The following PBX1 variants were observed in gnomAD, a reference collection of about 807,000 sequenced individuals.
PBX1 encodes the protein PBX homeobox 1.
In PBX1, 6 loss-of-function variants were observed where a neutral mutation model predicts 53.4. The observed-to-expected ratio is 0.11, with a 90% confidence interval of 0.06 to 0.22. The LOEUF is 0.22. Among genes scored for constraint, PBX1 ranks in the 10% least tolerant of loss-of-function variants. The pLI, the probability that PBX1 is intolerant of heterozygous loss-of-function variation, is 1.00. For missense variants in PBX1, 251 were observed against 551.4 expected (o/e 0.46, Z 5.46); for synonymous variants, 204 against 212.3 (o/e 0.96, Z 0.34).
chr1:164,795,281 T>TA (rs1489166252), intron 3 of PBX1, among the ~76,000 whole-genome samples: 1 of 152,190 alleles, frequency 6.6e-6, no homozygotes, highest in Non-Finnish European at 1.5e-5. Flanking sequence ...ATTAGAATAA[T>TA]ACCTGACTCC....
intron 2 of PBX1, among the ~76,000 whole-genome samples, chr1:164,610,795 T>C (rs1280487321): frequency 2.0e-5 from 3 of 152,218 alleles, no homozygotes; most frequent in Non-Finnish European, 4.4e-5. Context: ...CCATGGATGG[T>C]ACATTTGCAT....
chr1:164,714,553 G>T (rs6673635), intron 2 of PBX1, among the ~76,000 whole-genome samples: 1 of 152,182 alleles, frequency 6.6e-6, no homozygotes, highest in Non-Finnish European at 1.5e-5. Context: ...CACTGAAGAA[G>T]ATATTTAGGC....
Position 164,820,200 on chromosome 1 carries a change from A to G in PBX1, c.1110+16A>G, listed in dbSNP as rs547737474. 9.6e-6 allele frequency: 14 copies of G among 1,462,592 alleles called. No individual in the cohort carries two copies. The Admixed American group carries it at 2.3e-4, about 24-fold the overall frequency. The allele number at this position is 1,462,592 out of a possible 1,614,324, so 90.6% of individuals were successfully genotyped here. A position where few individuals can be genotyped will look rare whatever the true frequency, so the allele number is the denominator to read the frequency against. On this transcript the variant is annotated intron_variant, in intron 7 of 8. Transcript: ENST00000420696. ...GCAATCACAGGTAGGGACCCAGCCAATATGTCACCAGGTGAATGCCTTAGA... is the reference window on the plus strand; with the variant it reads ...GCAATCACAGGTAGGGACCCAGCCAGTATGTCACCAGGTGAATGCCTTAGA...
intron 2 of PBX1, among the ~76,000 whole-genome samples, chr1:164,673,544 C>T (rs1419523494): frequency 7.0e-6 from 1 of 143,696 alleles, no homozygotes; most frequent in Middle Eastern, 3.6e-3. Context: ...GATCTCTGCT[C>T]ACTGCAACCT....
intron 2 of PBX1, among the ~76,000 whole-genome samples, chr1:164,697,525 T>C (rs1410552423): frequency 2.6e-5 from 4 of 152,226 alleles, no homozygotes; most frequent in Non-Finnish European, 5.9e-5. Context: ...TTATAAACTT[T>C]TAAAAACAAA....
intron 2 of PBX1, among the ~76,000 whole-genome samples, chr1:164,723,460 T>C (rs557253959): frequency 1.3e-5 from 2 of 152,288 alleles, no homozygotes; most frequent in South Asian, 4.1e-4. Context: ...GAATTAATGT[T>C]GGACGAGCAG....
intron 2 of PBX1, among the ~76,000 whole-genome samples, chr1:164,647,030 G>A (rs1268308585): frequency 1.3e-5 from 2 of 152,306 alleles, no homozygotes; most frequent in East Asian, 3.9e-4. Context: ...CTACAGGCTC[G>A]GGGGTCCCAC....
intron 2 of PBX1, among the ~76,000 whole-genome samples, chr1:164,571,875 A>ATG (rs1195529363): frequency 7.0e-5 from 2 of 28,564 alleles, no homozygotes; most frequent in African/African-American, 3.7e-4. Context: ...TGTACATTGT[A>ATG]TATATATATA....
intron 3 of PBX1, among the ~76,000 whole-genome samples, chr1:164,798,460 T>C (rs553710575): frequency 6.6e-6 from 1 of 152,308 alleles, no homozygotes; most frequent in South Asian, 2.1e-4. Flanking sequence ...GGAAACCAGA[T>C]TATGGATGCT....
chr1:164,759,179 A>G (rs1040158621), intron 2 of PBX1, among the ~76,000 whole-genome samples: 1 of 152,230 alleles, frequency 6.6e-6, no homozygotes, highest in African/African-American at 2.4e-5. Context: ...CCTTTAAAGG[A>G]TAGTGTCGGT....
chr1:164,757,095 T>G (rs1195244615), intron 2 of PBX1, among the ~76,000 whole-genome samples: 1 of 150,854 alleles, frequency 6.6e-6, no homozygotes, highest in African/African-American at 2.4e-5. Context: ...GGCCTCCCAT[T>G]TTTTTTTTGC....
At chr1:164,704,201 G>A (rs183051580) in intron 2 of PBX1, among the ~76,000 whole-genome samples, 158 of 152,294 alleles carry the variant, frequency 1.0e-3, no homozygotes, top group African/African-American at 3.4e-3. Context: ...AGACCAAGGG[G>A]TCTTGTGGGA....
intron 2 of PBX1, among the ~76,000 whole-genome samples, chr1:164,629,322 G>A (rs1658258067): frequency 1.3e-5 from 2 of 152,192 alleles, no homozygotes; most frequent in African/African-American, 4.8e-5. Context: ...AAGATGGAAA[G>A]AGTGAGGGCA....
intron 2 of PBX1, among the ~76,000 whole-genome samples, chr1:164,743,197 A>G (rs532065393): frequency 1.3e-5 from 2 of 152,324 alleles, no homozygotes; most frequent in Admixed American, 6.5e-5. Flanking sequence ...GGCCATGATA[A>G]TAGTAATATG....
rs1553244687 is a variant in PBX1 at position 164,776,978 on chromosome 1, A to AGAGAGATG, written c.266-15515_266-15514insAGAGATGG. Among the ~76,000 whole-genome samples, 54 of 46,480 alleles carry AGAGAGATG rather than the reference A, an allele frequency of 1.2e-3. 6 individuals carry two copies. Among genetic ancestry groups the AGAGAGATG allele is most frequent in the Middle Eastern group, 0.013 (1 of 76 alleles). 30.5% of individuals were successfully genotyped at this position (46,480 alleles called of 152,430 possible). A position where few individuals can be genotyped will look rare whatever the true frequency, so the allele number is the denominator to read the frequency against. ...GAGAGAGAGAGAGAGAGAGAGAGAG[A>AGAGAGATG]GGAGGTGTGGGGGGGCGGGGGGCTG... On this transcript the variant is annotated intron_variant, in intron 2 of 8. Coordinates refer to ENST00000420696, the MANE Select transcript of PBX1 (RefSeq NM_002585.4).
At chr1:164,754,688 CGTGT>C (rs141341198) in intron 2 of PBX1, among the ~76,000 whole-genome samples, 1 of 151,256 alleles carries the variant, frequency 6.6e-6, no homozygotes, top group Non-Finnish European at 1.5e-5. Context: ...CACGTGCGTG[CGTGT>C]GTGTGTGTGT....
Position 164,559,802 on chromosome 1 carries a change from G to A in PBX1, c.-21G>A. The A allele has an allele frequency of 2.6e-6, 4 of 1,527,848 alleles. No individual in the cohort carries two copies. The highest frequency in any genetic ancestry group is 2.6e-6 in the Non-Finnish European group (3 of 1,135,574). The allele number at this position is 1,527,848 out of a possible 1,614,324, so 94.6% of individuals were successfully genotyped here. ...CGAGGAGCAGAAGAGGAAGAGCCGGGGGCTGCCGTAGCCTTTGGAGATGGA... is the reference window on the plus strand; with the variant it reads ...CGAGGAGCAGAAGAGGAAGAGCCGGAGGCTGCCGTAGCCTTTGGAGATGGA... On this transcript the variant is annotated 5_prime_UTR_variant, in exon 1 of 9. Transcript: ENST00000420696.
At chr1:164,693,387 A>G (rs1662611872) in intron 2 of PBX1, among the ~76,000 whole-genome samples, 1 of 152,232 alleles carries the variant, frequency 6.6e-6, no homozygotes, top group Admixed American at 6.5e-5. Flanking sequence ...AGGCACTGAA[A>G]GCACCAAAAG....
chr1:164,642,619 G>GT (rs1659213445), intron 2 of PBX1: 1 of 152,194 alleles, frequency 6.6e-6, no homozygotes, highest in Non-Finnish European at 1.5e-5. Context: ...TTGGTTAGGT[G>GT]TTTTTTATCA....
Sources: allele counts gnomAD v4.1 joint callset (sites outside exome capture counted in the v4.1 genomes callset), GRCh38; gene constraint gnomAD v4.1.1; transcripts MANE v1.5; gene names NCBI Gene and HGNC (gene_info 2026-07-23, HGNC 2026-07-21).